The following PPIG variants were observed in gnomAD, a reference collection of about 807,000 sequenced individuals.
PPIG encodes peptidylprolyl isomerase G.
In PPIG, 26 loss-of-function variants were observed where a neutral mutation model predicts 87.9. The ratio of observed to expected loss-of-function variants is 0.30; its 90% CI spans 0.22 to 0.41. The LOEUF is 0.41. Ranked by LOEUF, PPIG falls within the 10% of genes least tolerant of loss-of-function variation. The pLI, the probability that PPIG is intolerant of heterozygous loss-of-function variation, is 1.00. For missense variants in PPIG, 722 were observed against 879.4 expected (o/e 0.82, Z 2.26); for synonymous variants, 308 against 276.5 (o/e 1.11, Z -1.13).
intron 9 of PPIG, among the ~76,000 whole-genome samples, chr2:169,625,178 T>C (rs1474947497): frequency 1.3e-5 from 2 of 152,212 alleles, no homozygotes; most frequent in Non-Finnish European, 2.9e-5. Context: ...TGAAAATAGA[T>C]CTCAACAAAC....
chr2:169,609,961 T>A (rs1558892337), intron 7 of PPIG, among the ~76,000 whole-genome samples: 1 of 152,250 alleles, frequency 6.6e-6, no homozygotes, highest in Non-Finnish European at 1.5e-5. Flanking sequence ...ACCTTCTCAC[T>A]AAAATTTATT....
chr2:169,607,120 G>T lies in PPIG; in HGVS notation c.261G>T (p.Gly87=). 6.4e-7 allele frequency: 1 copy of T among 1,567,696 alleles called. No homozygotes were observed. The highest frequency in any genetic ancestry group is 8.7e-7 in the Non-Finnish European group (1 of 1,143,192). The stretch of plus-strand genomic sequence containing the variant: ...CATTTTTAGGAAATGGACGAGGAGG[G>T]GAATCTATCTATGGAGGATTTTTTG... ...GDFSEGNGRG[G]ESIYGGFFED... Residue 87 remains glycine, a synonymous_variant, in exon 6 of 14, where the codon GGG becomes GGT. Coordinates refer to ENST00000260970, the MANE Select transcript of PPIG (RefSeq NM_004792.3).
intron 1 of PPIG, among the ~76,000 whole-genome samples, chr2:169,587,882 G>T (rs965730116): frequency 6.6e-6 from 1 of 152,144 alleles, no homozygotes; most frequent in African/African-American, 2.4e-5. Context: ...ATGGCCGGGG[G>T]TGGTGGCTCA....
At chr2:169,586,525 A>C (rs73971638) in intron 1 of PPIG, among the ~76,000 whole-genome samples, 22,698 of 152,110 alleles carry the variant, frequency 0.15, 1,843 homozygotes, top group Middle Eastern at 0.21. Context: ...TGTTCATTAC[A>C]TTTATTTTTA....
chr2:169,592,424 C>T (rs1703409601), intron 1 of PPIG, among the ~76,000 whole-genome samples: 1 of 151,110 alleles, frequency 6.6e-6, no homozygotes, highest in Non-Finnish European at 1.5e-5. Flanking sequence ...CCTGCCTCAG[C>T]CTCCAGAGTA....
intron 4 of PPIG, 58 bp downstream of exon 4, chr2:169,604,319 C>A: frequency 1.4e-6 from 1 of 693,282 alleles, no homozygotes; most frequent in Non-Finnish European, 2.3e-6. Flanking sequence ...GGCTTGCTTG[C>A]TTGCTTGGTT....
At chr2:169,629,900 A>G (rs1685990641) in intron 9 of PPIG, among the ~76,000 whole-genome samples, 1 of 152,204 alleles carries the variant, frequency 6.6e-6, no homozygotes, top group African/African-American at 2.4e-5. Flanking sequence ...TATGAGTATC[A>G]CTGTGAACTA....
At chr2:169,612,249 T>C (rs79599650) in intron 7 of PPIG, among the ~76,000 whole-genome samples, 15,200 of 152,224 alleles carry the variant, frequency 0.1, 962 homozygotes, top group Middle Eastern at 0.19. Flanking sequence ...CCTGGTAACC[T>C]CTATGAATTT....
chr2:169,626,845 A>C (rs1685900204), intron 9 of PPIG, among the ~76,000 whole-genome samples: 1 of 150,774 alleles, frequency 6.6e-6, no homozygotes, highest in Admixed American at 6.6e-5. Flanking sequence ...GAGTAGCTGG[A>C]ACTACAGGCG....
At position 169,638,869 on chromosome 2, in the gene PPIG, C is replaced by T. The variant is rs182184616; in HGVS notation, c.*1346C>T. 6.6e-6 allele frequency: 1 copy of T among 152,052 alleles called. No homozygotes were observed. Among genetic ancestry groups the T allele is most frequent in the East Asian group, 1.9e-4 (1 of 5,178 alleles). The allele number at this position is 152,052 out of a possible 1,614,324, so 9.4% of individuals were successfully genotyped here. A position where few individuals can be genotyped will look rare whatever the true frequency, so the allele number is the denominator to read the frequency against. Reference sequence around the variant, plus strand: ...CATCCAGCAAACATAAAACCTGCCTCATTTGAAAAGGAATTTCAAAATTCC... The same window carrying T: ...CATCCAGCAAACATAAAACCTGCCTTATTTGAAAAGGAATTTCAAAATTCC... On this transcript the variant is annotated 3_prime_UTR_variant, in exon 14 of 14. Coordinates refer to ENST00000260970, the MANE Select transcript of PPIG (RefSeq NM_004792.3).
intron 1 of PPIG, among the ~76,000 whole-genome samples, chr2:169,596,711 T>G (rs1685027961): frequency 6.6e-6 from 1 of 152,136 alleles, no homozygotes; most frequent in African/African-American, 2.4e-5. Flanking sequence ...GGTCCATTTT[T>G]TTTTCTGAGA....
At chr2:169,588,612 T>C (rs1034208929) in intron 1 of PPIG, among the ~76,000 whole-genome samples, 1 of 152,162 alleles carries the variant, frequency 6.6e-6, no homozygotes, top group Non-Finnish European at 1.5e-5. Flanking sequence ...CTTTGAAAAC[T>C]GGGGGTAAAT....
intron 9 of PPIG, among the ~76,000 whole-genome samples, chr2:169,630,261 C>A (rs2105517873): frequency 6.6e-6 from 1 of 152,020 alleles, no homozygotes; most frequent in Admixed American, 6.5e-5. Context: ...ATTGACTTCC[C>A]TCTGTTATGA....
At chr2:169,611,447 T>A (rs1412174833) in intron 7 of PPIG, among the ~76,000 whole-genome samples, 7 of 55,336 alleles carry the variant, frequency 1.3e-4, no homozygotes, top group African/African-American at 3.2e-4. Flanking sequence ...GCATTATTAA[T>A]CTTATTTTGG....
chr2:169,624,130 C>T (rs1195109696), intron 9 of PPIG, among the ~76,000 whole-genome samples: 1 of 152,092 alleles, frequency 6.6e-6, no homozygotes, highest in African/African-American at 2.4e-5. Flanking sequence ...CCACACCTGG[C>T]TAATTTTTGT....
intron 12 of PPIG, among the ~76,000 whole-genome samples, chr2:169,634,580 C>T (rs1686137778): frequency 6.6e-6 from 1 of 152,180 alleles, no homozygotes; most frequent in African/African-American, 2.4e-5. Context: ...TCTGAACCTT[C>T]TTTAGGTTAC....
Position 169,636,417 on chromosome 2 carries a change from G to A in PPIG, c.1159G>A (p.Glu387Lys), listed in dbSNP as rs1309747638. The A allele has an allele frequency of 6.6e-7, 1 of 1,526,140 alleles. No individual in the cohort carries two copies. Among genetic ancestry groups the A allele is most frequent in the Non-Finnish European group, 8.8e-7 (1 of 1,135,938 alleles). 94.5% of individuals were successfully genotyped at this position (1,526,140 alleles called of 1,614,324 possible). A position where few individuals can be genotyped will look rare whatever the true frequency, so the allele number is the denominator to read the frequency against. The part of the protein sequence containing the change: ...GERWIKGDKS[E>K]LNEIKENQRS... ...ATTCTTTTTCTTATTTTTTAGGAGT[G>A]AGTTGAATGAAATAAAAGAAAATCA... Residue 387 changes from glutamate to lysine, a missense_variant, in exon 14 of 14, where the codon GAG becomes AAG. By Grantham distance (56) the Glu-to-Lys change is moderately conservative. Around this residue, in one of 4 missense-constraint regions of PPIG, gnomAD observed 476 missense variants for 483.1 expected, o/e 0.99. Transcript: ENST00000260970.
chr2:169,604,290 A>AGTAG (rs1431862493), intron 4 of PPIG, 29 bp downstream of exon 4: 2 of 1,323,944 alleles, frequency 1.5e-6, no homozygotes, highest in Admixed American at 3.6e-5. Flanking sequence ...CTGCCCTAAT[A>AGTAG]GTAGTCTCAG....
intron 9 of PPIG, among the ~76,000 whole-genome samples, chr2:169,629,845 G>A (rs1574463166): frequency 1.3e-5 from 2 of 152,154 alleles, no homozygotes; most frequent in Non-Finnish European, 1.5e-5. Flanking sequence ...TCATTAGCCA[G>A]TGGTGCAGTT....
Sources: allele counts gnomAD v4.1 joint callset (sites outside exome capture counted in the v4.1 genomes callset), GRCh38; gene constraint gnomAD v4.1.1; regional missense constraint gnomAD v4.1.1; transcripts MANE v1.5; gene names NCBI Gene and HGNC (gene_info 2026-07-23, HGNC 2026-07-21).